Variants in JAKMIP1 observed in about 807,000 individuals in gnomAD.
The protein encoded by JAKMIP1 is janus kinase and microtubule interacting protein 1.
Under a neutral mutation model 113.0 loss-of-function variants are expected in JAKMIP1, and 33 were observed. The observed-to-expected ratio is 0.29, with a 90% CI of 0.22 to 0.39. The LOEUF (loss-of-function observed/expected upper bound fraction) is 0.39, where lower values mean the gene tolerates loss of function less well. Among genes scored for constraint, JAKMIP1 ranks in the 10% least tolerant of loss-of-function variants. The pLI, the probability that JAKMIP1 is intolerant of heterozygous loss-of-function variation, is 1.00. For synonymous variants in JAKMIP1, 480 were observed against 459.9 expected (o/e 1.04, Z -0.56); for missense variants, 813 against 1,080.5 (o/e 0.75, Z 3.47).
chr4:6,148,929 G>A (rs1180010087), intron 1 of JAKMIP1, among the ~76,000 whole-genome samples: 1 of 152,226 alleles, frequency 6.6e-6, no homozygotes, highest in African/African-American at 2.4e-5. Flanking sequence ...GACTGGGTGT[G>A]GTGAGACGGG....
chr4:6,128,792 C>T (rs1407301784), intron 1 of JAKMIP1, among the ~76,000 whole-genome samples: 1 of 152,198 alleles, frequency 6.6e-6, no homozygotes, highest in Non-Finnish European at 1.5e-5. Context: ...CCCTGACCCT[C>T]CTCCTCCTAG....
At chr4:6,161,065 C>A (rs978366419) in intron 1 of JAKMIP1, among the ~76,000 whole-genome samples, 1 of 149,260 alleles carries the variant, frequency 6.7e-6, no homozygotes, top group Non-Finnish European at 1.5e-5. Flanking sequence ...CACTCACCTC[C>A]TCTGATCTCC....
At position 6,049,675 on chromosome 4, in the gene JAKMIP1, C is replaced by T. The variant is rs1346487139; in HGVS notation, c.1962+144G>A. On this transcript the variant is annotated intron_variant, in intron 15 of 20. Transcript: ENST00000409021. The surrounding 1 kb of genome is among the most constrained non-coding windows in gnomAD (Gnocchi z 7.0). Reference sequence around the variant, plus strand: ...GCCAACCCCACCACCCACACAGGAACACGGCCATACAAAAGCCTTACATTG... The same window carrying T: ...GCCAACCCCACCACCCACACAGGAATACGGCCATACAAAAGCCTTACATTG... The T allele has an allele frequency of 3.0e-6, 2 of 658,036 alleles. No individual in the cohort carries two copies. The highest frequency in any genetic ancestry group is 5.5e-5 in the East Asian group (2 of 36,346). 40.8% of individuals were successfully genotyped at this position (658,036 alleles called of 1,614,324 possible).
At chr4:6,133,316 G>C (rs1219327251) in intron 1 of JAKMIP1, among the ~76,000 whole-genome samples, 2 of 152,160 alleles carry the variant, frequency 1.3e-5, no homozygotes, top group Admixed American at 1.3e-4. Context: ...CTCTTTGAAA[G>C]CCTTAGAAGA....
intron 1 of JAKMIP1, among the ~76,000 whole-genome samples, chr4:6,132,423 C>T (rs192275972): frequency 6.6e-6 from 1 of 152,258 alleles, no homozygotes; most frequent in Admixed American, 6.5e-5. Flanking sequence ...GGGCAGATCA[C>T]TTGAGGTCAG....
chr4:6,098,665 AGAGAG>A (rs1252297668), intron 3 of JAKMIP1, among the ~76,000 whole-genome samples: 31 of 103,246 alleles, frequency 3.0e-4, no homozygotes, highest in South Asian at 1.0e-3. Flanking sequence ...AAAGGAAGAA[AGAGAG>A]AGAAAGAAAG....
chr4:6,169,765 T>C (rs1480712041), intron 1 of JAKMIP1, among the ~76,000 whole-genome samples: 7 of 151,938 alleles, frequency 4.6e-5, no homozygotes, highest in Non-Finnish European at 1.0e-4. Flanking sequence ...ACTAACCATG[T>C]GGCCTTGTGC....
intron 2 of JAKMIP1, 26 bp from the exon 3 acceptor site, chr4:6,105,993 G>A (rs1291742933): frequency 3.1e-6 from 3 of 962,680 alleles, no homozygotes; most frequent in East Asian, 2.5e-5. Flanking sequence ...CGAGAGAGCC[G>A]GTCAGGGTCA....
intron 8 of JAKMIP1, among the ~76,000 whole-genome samples, chr4:6,070,774 T>C (rs1195461382): frequency 6.6e-6 from 1 of 152,246 alleles, no homozygotes; most frequent in Non-Finnish European, 1.5e-5. Flanking sequence ...CTGGCTTCTC[T>C]ACCATCAATT....
At chr4:6,109,020 C>G (rs549355088) in intron 2 of JAKMIP1, among the ~76,000 whole-genome samples, 3 of 150,934 alleles carry the variant, frequency 2.0e-5, no homozygotes, top group Admixed American at 1.3e-4. Context: ...GTGCCTGGAT[C>G]TTTGTTTCTA....
rs373856583 is a variant in JAKMIP1, at chr4:6,112,798, G to A, written c.53C>T (p.Ala18Val). 2.5e-5 allele frequency: 41 copies of A among 1,613,936 alleles called. No homozygotes were observed. The highest frequency in any genetic ancestry group is 3.3e-4 in the Middle Eastern group (2 of 6,084). ...KGEKPEMETD[A>V]VQMANEELRA... ...CAGCTCCTCGTTGGCCATCTGCACC[G>A]CGTCCGTCTCCATCTCGGGCTTCTC... The change falls in exon 2 of 21, where the codon GCG becomes GTG. Residue 18 changes from alanine to valine, a missense_variant. By Grantham distance (64) the Ala-to-Val change is moderately conservative (BLOSUM62 0). Around this residue, in one of 2 missense-constraint regions of JAKMIP1, gnomAD observed 540 missense variants for 653.9 expected, o/e 0.83. Transcript: ENST00000409021.
Position 6,187,431 on chromosome 4 carries a change from A to C in JAKMIP1, c.-148+12822T>G, listed in dbSNP as rs1484083816. Reference sequence around the variant, plus strand: ...AGTGCTATGATCTGAATGTTTATGTACCCCCAGAATTCATATGTTTCTAGT... The same window carrying C: ...AGTGCTATGATCTGAATGTTTATGTCCCCCCAGAATTCATATGTTTCTAGT... On this transcript the variant is annotated intron_variant, in intron 1 of 20. Coordinates refer to ENST00000409021, the MANE Select transcript of JAKMIP1 (RefSeq NM_001099433.2). This position sits in a 1 kb window ranked among gnomAD's most constrained non-coding sequence, Gnocchi z 4.2. 6.6e-6 allele frequency among the ~76,000 whole-genome samples: 1 copy of C among 152,170 alleles called. No homozygotes were observed. The highest frequency in any genetic ancestry group is 1.5e-5 in the Non-Finnish European group (1 of 68,030).
Position 6,044,296 on chromosome 4 carries a change from G to A in JAKMIP1, c.2029-2069C>T, listed in dbSNP as rs572324024. Among the ~76,000 whole-genome samples, 5 of 152,162 alleles carry A rather than the reference G, an allele frequency of 3.3e-5. No individual in the cohort carries two copies. Among genetic ancestry groups the A allele is most frequent in the Non-Finnish European group, 7.3e-5 (5 of 68,032 alleles). On this transcript the variant is annotated intron_variant, in intron 16 of 20. Transcript: ENST00000409021. The surrounding 1 kb of genome is among the most constrained non-coding windows in gnomAD (Gnocchi z 4.4). The stretch of plus-strand genomic sequence containing the variant: ...CTGGCACAGGGCTTGACACAAGCAG[G>A]TGCCTAATAAACTTCTGTCGAATGA...
intron 1 of JAKMIP1, among the ~76,000 whole-genome samples, chr4:6,130,627 T>C (rs1718361735): frequency 6.6e-6 from 1 of 151,940 alleles, no homozygotes; most frequent in Non-Finnish European, 1.5e-5. Flanking sequence ...AGGATTCTAA[T>C]GGAAAAAGCA....
In JAKMIP1 at chr4:6,060,504, G is replaced by A. The variant is rs1321615842; in HGVS notation, c.1564C>T (p.Arg522Trp). The change falls in exon 11 of 21, where the codon CGG becomes TGG. Residue 522 changes from arginine (R) to tryptophan (W), a missense_variant. This residue lies in a region of JAKMIP1 where 273 missense variants were observed against 426.6 expected (regional missense o/e 0.64). Transcript: ENST00000409021. ...TLDAEREARTREQLQADLLRC... is the reference protein window; with the variant it reads ...TLDAEREARTWEQLQADLLRC... ...AGCAGATCAGCTTGTAGCTGCTCCCGAGTCTGGAAGGGAAAAGACCAGGCA... is the reference window on the plus strand; with the variant it reads ...AGCAGATCAGCTTGTAGCTGCTCCCAAGTCTGGAAGGGAAAAGACCAGGCA... 13 of 1,613,656 alleles carry A rather than the reference G, an allele frequency of 8.1e-6. No individual in the cohort carries two copies. The highest frequency in any genetic ancestry group is 1.1e-5 in the Non-Finnish European group (13 of 1,179,626).
chr4:6,195,330 C>T (rs904922128), intron 1 of JAKMIP1, among the ~76,000 whole-genome samples: 5 of 152,174 alleles, frequency 3.3e-5, no homozygotes, highest in Non-Finnish European at 7.3e-5. Context: ...TGGATGGTAG[C>T]GCTCGTTGCT....
intron 11 of JAKMIP1, among the ~76,000 whole-genome samples, chr4:6,057,096 C>A (rs1716582080): frequency 6.6e-6 from 1 of 152,230 alleles, no homozygotes; most frequent in South Asian, 2.1e-4. Flanking sequence ...ACCCCGCAGA[C>A]TGGCCAGAGC....
Position 6,081,959 on chromosome 4 carries a change from C to T in JAKMIP1, c.955-204G>A, listed in dbSNP as rs1030922568. On this transcript the variant is annotated intron_variant, in intron 5 of 20. Coordinates refer to ENST00000409021, the MANE Select transcript of JAKMIP1 (RefSeq NM_001099433.2). This position sits in a 1 kb window ranked among gnomAD's most constrained non-coding sequence, Gnocchi z 4.6. ...ATCTATCAAATGAGAATCACGGCAG[C>T]TCCTGTCTCCTAGGCACATGGTGAG... Among the ~76,000 whole-genome samples the T allele has an allele frequency of 8.5e-5, 13 of 152,300 alleles. No individual in the cohort carries two copies. Among genetic ancestry groups the T allele is most frequent in the Admixed American group, 7.8e-4 (12 of 15,300 alleles).
At chr4:6,159,581 C>A (rs1235497765) in intron 1 of JAKMIP1, among the ~76,000 whole-genome samples, 1 of 152,174 alleles carries the variant, frequency 6.6e-6, no homozygotes, top group Non-Finnish European at 1.5e-5. Context: ...ATGGCCAATA[C>A]ACAGACAAGA....
Sources: allele counts gnomAD v4.1 joint callset (sites outside exome capture counted in the v4.1 genomes callset), GRCh38; gene constraint gnomAD v4.1.1; regional missense constraint gnomAD v4.1.1; non-coding constraint Gnocchi (gnomAD v3.1); transcripts MANE v1.5; gene names NCBI Gene and HGNC (gene_info 2026-07-23, HGNC 2026-07-21).